CCDC66: variants seen among roughly 807,000 people sequenced by gnomAD.
CCDC66 encodes coiled-coil domain containing 66, also known as coiled-coil domain-containing protein 66.
CCDC66 carries 133 observed loss-of-function variants against 128.3 expected under a neutral mutation model. The ratio of observed to expected loss-of-function variants is 1.04; its 90% confidence interval spans 0.90 to 1.20. The LOEUF (loss-of-function observed/expected upper bound fraction) is 1.20, where lower values mean the gene tolerates loss of function less well. CCDC66 is among the 50% of genes most tolerant of loss of function. CCDC66 has a pLI of 0.00. For synonymous variants in CCDC66, 387 were observed against 357.0 expected, an observed-to-expected ratio of 1.08 and a Z score of -0.95; for missense variants, 1,126 against 1,075.5, an observed-to-expected ratio of 1.05 and a Z score of -0.66.
intron 11 of CCDC66, 95 bp downstream of exon 11, chr3:56,613,845 A>G (rs1350574836): frequency 7.0e-6 from 7 of 998,814 alleles, no homozygotes; most frequent in East Asian, 2.5e-5. Flanking sequence ...CAGTGGTGCA[A>G]TCATAGCTCA....
intron 11 of CCDC66, 80 bp downstream of exon 11, chr3:56,613,830 G>C (rs2075160012): frequency 8.5e-6 from 10 of 1,174,826 alleles, no homozygotes; most frequent in Non-Finnish European, 1.1e-5. Flanking sequence ...GCCCAGGTTG[G>C]AGTGCAGTGG....
rs377747831 is a variant in CCDC66 at position 56,618,161 on chromosome 3, C to T, written c.2338-11C>T. 6.2e-6 allele frequency: 10 copies of T among 1,603,510 alleles called. No homozygotes were observed. The highest frequency in any genetic ancestry group is 7.7e-6 in the Non-Finnish European group (9 of 1,170,596). ...TATATTCCTTTCTGCATTTATCTAT[C>T]CATATTTTAGGAAGAAGAGCCTCTG... On this transcript the variant is annotated splice_polypyrimidine_tract_variant and intron_variant, in intron 14 of 17. Coordinates refer to ENST00000394672, the MANE Select transcript of CCDC66 (RefSeq NM_001141947.3).
chr3:56,612,495 G>T (rs1221230571), intron 10 of CCDC66, among the ~76,000 whole-genome samples: 1 of 152,104 alleles, frequency 6.6e-6, no homozygotes, highest in Non-Finnish European at 1.5e-5. Context: ...GCCAATTATT[G>T]GGCTTCTAGA....
chr3:56,574,361 C>CAAAA (rs59285810), intron 7 of CCDC66, among the ~76,000 whole-genome samples: 1 of 126,594 alleles, frequency 7.9e-6, no homozygotes, highest in Non-Finnish European at 1.6e-5. Flanking sequence ...GACTCTGTCT[C>CAAAA]AAAAAAAAAA....
intron 14 of CCDC66, 38 bp from the exon 15 acceptor site, chr3:56,618,134 T>C (rs751798164): frequency 1.2e-5 from 18 of 1,494,502 alleles, no homozygotes; most frequent in African/African-American, 1.4e-5. Context: ...GTGAAGATGC[T>C]ATATATTCCT....
At chr3:56,563,328 T>A (rs2065361564) in intron 3 of CCDC66, among the ~76,000 whole-genome samples, 1 of 151,328 alleles carries the variant, frequency 6.6e-6, no homozygotes, top group Admixed American at 6.6e-5. Context: ...GCTGTTGCAC[T>A]CCAGCCTGGG....
At chr3:56,583,201 G>A (rs76723071) in intron 7 of CCDC66, among the ~76,000 whole-genome samples, 7,722 of 151,772 alleles carry the variant, frequency 0.051, 337 homozygotes, top group South Asian at 0.16. Context: ...ATATGTATTT[G>A]TGAAATGCAA....
intron 5 of CCDC66, 62 bp from the exon 6 acceptor site, chr3:56,566,888 A>G (rs1195667200): frequency 3.3e-6 from 5 of 1,496,596 alleles, no homozygotes; most frequent in Non-Finnish European, 4.6e-6. Flanking sequence ...CTTAATATTT[A>G]TGGAGTCAGT....
intron 12 of CCDC66, 47 bp from the exon 13 acceptor site, chr3:56,615,875 T>C: frequency 6.7e-7 from 1 of 1,497,044 alleles, no homozygotes; most frequent in Admixed American, 2.0e-5. Flanking sequence ...ATAATTTTTA[T>C]TAATATTCCT....
rs758641265 is a variant in CCDC66 at position 56,593,627 on chromosome 3, C to T, written c.1205C>T (p.Ala402Val). Residue 402 changes from alanine (A) to valine (V), a missense_variant, in exon 9 of 18, where the codon GCT (alanine) becomes GTT (valine). Ala to Val is a moderately conservative substitution (Grantham distance 64). Transcript: ENST00000394672. ...FCVSPDTQEL[A>V]DVSSVCTPTT... is the part of the protein sequence containing the mutation. ...GTCTCTCCTGACACTCAGGAGCTGG[C>T]TGATGTCAGCAGTGTTTGTACACCT... 6.2e-7 allele frequency: 1 copy of T among 1,614,144 alleles called. No homozygotes were observed. Among genetic ancestry groups the T allele is most frequent in the Non-Finnish European group, 8.5e-7 (1 of 1,180,020 alleles).
At chr3:56,602,975 C>T (rs1419379185) in intron 10 of CCDC66, among the ~76,000 whole-genome samples, 3 of 151,354 alleles carry the variant, frequency 2.0e-5, no homozygotes, top group Non-Finnish European at 4.4e-5. Context: ...GCTGGGACTA[C>T]AGGCGCCCAC....
intron 15 of CCDC66, 160 bp downstream of exon 15, chr3:56,618,372 A>T (rs2075806581): frequency 1.7e-6 from 1 of 598,018 alleles, no homozygotes; most frequent in Admixed American, 3.1e-5. Flanking sequence ...ATAGTGTGGC[A>T]CTTTAGCAGG....
At position 56,619,882 on chromosome 3, in the gene CCDC66, G is replaced by T; in HGVS notation, c.2741G>T (p.Gly914Val). The T allele has an allele frequency of 6.2e-7, 1 of 1,613,940 alleles. No homozygotes were observed. Among genetic ancestry groups the T allele is most frequent in the South Asian group, 1.1e-5 (1 of 91,048 alleles). Residue 914 changes from glycine (G) to valine (V), a missense_variant, in exon 17 of 18, where the codon GGA (glycine) becomes GTA (valine). Transcript: ENST00000394672. ...NRDRQQAILK[G>V]LSELRQGLLQ... ...GATCGACAGCAAGCAATCCTTAAGG[G>T]ACTTTCAGAACTGAGACAGGTATGA...
chr3:56,573,377 G>A (rs1417039468), intron 7 of CCDC66, among the ~76,000 whole-genome samples: 3 of 152,206 alleles, frequency 2.0e-5, no homozygotes, highest in Non-Finnish European at 4.4e-5. Context: ...TGACAGGCTG[G>A]GAAGCATAGC....
intron 3 of CCDC66, among the ~76,000 whole-genome samples, chr3:56,562,354 C>G (rs2065216449): frequency 6.6e-6 from 1 of 152,046 alleles, no homozygotes; most frequent in Non-Finnish European, 1.5e-5. Flanking sequence ...CCAGCCTCTC[C>G]TACATTTTTA....
chr3:56,610,232 G>A (rs898811269), intron 10 of CCDC66, among the ~76,000 whole-genome samples: 2 of 152,032 alleles, frequency 1.3e-5, no homozygotes, highest in African/African-American at 4.8e-5. Context: ...TTGGTCATCC[G>A]AGCTCTGAAT....
chr3:56,610,114 C>T (rs1285653015), intron 10 of CCDC66, among the ~76,000 whole-genome samples: 1 of 152,188 alleles, frequency 6.6e-6, no homozygotes, highest in Non-Finnish European at 1.5e-5. Flanking sequence ...GTATGCATGT[C>T]TAGGTCTTTA....
chr3:56,615,072 T>C (rs1195010735), intron 11 of CCDC66, 56 bp from the exon 12 acceptor site: 4 of 1,559,742 alleles, frequency 2.6e-6, no homozygotes, highest in East Asian at 2.3e-5. Flanking sequence ...TGAGAGGAAA[T>C]AGTCAAGTCT....
chr3:56,597,789 T>TTTTTTTTTTTTTTTTTTTTA (rs2072347262), intron 10 of CCDC66, among the ~76,000 whole-genome samples: 1 of 136,846 alleles, frequency 7.3e-6, no homozygotes, highest in Non-Finnish European at 1.6e-5. Flanking sequence ...TTTTTTTTTT[T>TTTTTTTTTTTTTTTTTTTTA]TTTGAGACAG....
Sources: gnomAD v4.1 joint callset for allele counts (sites outside exome capture counted in the v4.1 genomes callset) on GRCh38, gnomAD v4.1.1 for gene constraint, MANE v1.5 for transcripts, NCBI Gene and HGNC (gene_info 2026-07-23, HGNC 2026-07-21) for gene names.